The following CNTNAP5 variants were observed in gnomAD, a reference collection of about 807,000 sequenced individuals.
CNTNAP5 encodes contactin-associated protein-like 5.
CNTNAP5 carries 72 observed loss-of-function variants against 150.2 expected under a neutral mutation model. The observed-to-expected ratio is 0.48, with a 90% CI of 0.40 to 0.58. The LOEUF (loss-of-function observed/expected upper bound fraction) is 0.58, where lower values mean the gene tolerates loss of function less well. Ranked by LOEUF, CNTNAP5 falls within the 20% of genes least tolerant of loss-of-function variation. The probability of loss-of-function intolerance (pLI) is 0.00; values close to 1 mark genes in which losing one functional copy is unlikely to be tolerated. For missense variants in CNTNAP5, 1,636 were observed against 1,626.2 expected, an observed-to-expected ratio of 1.01 and a Z score of -0.10; for synonymous variants, 672 against 619.8, an observed-to-expected ratio of 1.08 and a Z score of -1.25.
At chr2:124,188,344 AT>A (rs1685379461) in intron 1 of CNTNAP5, among the ~76,000 whole-genome samples, 1 of 152,204 alleles carries the variant, frequency 6.6e-6, no homozygotes, top group Non-Finnish European at 1.5e-5. Context: ...AAGTTTGGAA[AT>A]CAAGTCCTTT....
intron 11 of CNTNAP5, among the ~76,000 whole-genome samples, chr2:124,609,583 TAAAA>T (rs1456684149): frequency 1.3e-5 from 2 of 150,932 alleles, no homozygotes; most frequent in Admixed American, 6.6e-5. Context: ...CAAATAATAA[TAAAA>T]AGAGAGAGAG....
chr2:124,791,607 A>G lies in CNTNAP5; in HGVS notation c.2992+1466A>G, dbSNP rs1258811060. ...CTAACCAAGTCTTTTGTTTGGAAGAACATGGACAGTAGACCTCTCTGCATT... is the reference window on the plus strand; with the variant it reads ...CTAACCAAGTCTTTTGTTTGGAAGAGCATGGACAGTAGACCTCTCTGCATT... On this transcript the variant is annotated intron_variant, in intron 18 of 23. Transcript: ENST00000682447. Among the ~76,000 whole-genome samples the G allele has an allele frequency of 3.9e-5, 6 of 152,054 alleles. No homozygotes were observed. The East Asian group carries it at 1.2e-3, about 29-fold the overall frequency.
intron 1 of CNTNAP5, among the ~76,000 whole-genome samples, chr2:124,212,011 A>G (rs1686026856): frequency 6.6e-6 from 1 of 152,192 alleles, no homozygotes; most frequent in South Asian, 2.1e-4. Context: ...ATCTAGTGAG[A>G]AAGACAACGT....
At chr2:124,667,032 C>G (rs947998732) in intron 13 of CNTNAP5, among the ~76,000 whole-genome samples, 3 of 151,098 alleles carry the variant, frequency 2.0e-5, no homozygotes, top group Non-Finnish European at 3.0e-5. Flanking sequence ...ATGGGGGAAA[C>G]ATGAGCAATG....
intron 21 of CNTNAP5, among the ~76,000 whole-genome samples, chr2:124,880,439 A>T (rs1677943142): frequency 1.3e-5 from 2 of 152,114 alleles, no homozygotes; most frequent in Non-Finnish European, 2.9e-5. Context: ...TGCCTACTCT[A>T]ATCAACTCTA....
intron 7 of CNTNAP5, among the ~76,000 whole-genome samples, chr2:124,479,476 GTTACT>G (rs1382419894): frequency 8.5e-5 from 13 of 152,242 alleles, no homozygotes; most frequent in African/African-American, 2.9e-4. Context: ...AAATGCATGT[GTTACT>G]TTACTTTGTC....
chr2:124,875,957 T>C (rs926759191), intron 21 of CNTNAP5, among the ~76,000 whole-genome samples: 4 of 152,096 alleles, frequency 2.6e-5, no homozygotes, highest in African/African-American at 7.2e-5. Context: ...AAGATCTGCT[T>C]CAGGTACAGC....
At chr2:124,505,193 A>G (rs1015700181) in intron 8 of CNTNAP5, among the ~76,000 whole-genome samples, 1 of 152,194 alleles carries the variant, frequency 6.6e-6, no homozygotes, top group African/African-American at 2.4e-5. Flanking sequence ...TAGGTTCTCT[A>G]TAAACATGGC....
intron 3 of CNTNAP5, among the ~76,000 whole-genome samples, chr2:124,287,011 A>T (rs964596596): frequency 1.3e-5 from 2 of 152,150 alleles, no homozygotes; most frequent in African/African-American, 4.8e-5. Context: ...GATGTATGGG[A>T]TTGTCCCTGA....
At chr2:124,520,329 A>G (rs1573432484) in intron 8 of CNTNAP5, among the ~76,000 whole-genome samples, 1 of 152,226 alleles carries the variant, frequency 6.6e-6, no homozygotes, top group Non-Finnish European at 1.5e-5. Context: ...TACCTTCACC[A>G]TAAATCTTGG....
intron 12 of CNTNAP5, among the ~76,000 whole-genome samples, chr2:124,633,815 A>G (rs2105012215): frequency 6.6e-6 from 1 of 152,262 alleles, no homozygotes; most frequent in South Asian, 2.1e-4. Context: ...TACTCTGTGA[A>G]CCCTCAGACT....
intron 17 of CNTNAP5, among the ~76,000 whole-genome samples, chr2:124,783,668 G>T (rs557219142): frequency 3.3e-5 from 5 of 152,204 alleles, no homozygotes; most frequent in African/African-American, 1.2e-4. Flanking sequence ...TCCTGAGGGG[G>T]TTTGGCATTT....
At chr2:124,058,773 T>C (rs17010782) in intron 1 of CNTNAP5, among the ~76,000 whole-genome samples, 5,811 of 152,300 alleles carry the variant, frequency 0.038, 378 homozygotes, top group African/African-American at 0.13. Flanking sequence ...ACCACTCTTA[T>C]GAGCCAAATT....
At chr2:124,266,998 G>A (rs888750758) in intron 3 of CNTNAP5, among the ~76,000 whole-genome samples, 2 of 150,560 alleles carry the variant, frequency 1.3e-5, no homozygotes, top group Non-Finnish European at 3.0e-5. Context: ...ATGCTGGGAA[G>A]GCTTTAAAAT....
intron 17 of CNTNAP5, among the ~76,000 whole-genome samples, chr2:124,788,565 CTA>C (rs1039933424): frequency 7.3e-5 from 11 of 150,542 alleles, no homozygotes; most frequent in African/African-American, 2.7e-4. Context: ...GTATTGTATT[CTA>C]TGTTATTTTT....
intron 2 of CNTNAP5, among the ~76,000 whole-genome samples, chr2:124,239,501 T>C (rs1686832987): frequency 6.6e-6 from 1 of 152,162 alleles, no homozygotes; most frequent in African/African-American, 2.4e-5. Context: ...ACATATTCTT[T>C]ACGCAATAAA....
intron 11 of CNTNAP5, among the ~76,000 whole-genome samples, chr2:124,600,755 G>A (rs1030398571): frequency 7.4e-6 from 1 of 135,866 alleles, no homozygotes; most frequent in African/African-American, 2.7e-5. Context: ...GAGAGAGAGA[G>A]AGAGAGAGAG....
intron 13 of CNTNAP5, among the ~76,000 whole-genome samples, chr2:124,679,696 G>A (rs889802489): frequency 2.6e-5 from 4 of 151,586 alleles, no homozygotes; most frequent in African/African-American, 7.3e-5. Flanking sequence ...AGCCTCCTGA[G>A]CAGCTGGGAC....
chr2:124,663,820 A>G (rs888898208), intron 13 of CNTNAP5, among the ~76,000 whole-genome samples: 1 of 152,224 alleles, frequency 6.6e-6, no homozygotes. Flanking sequence ...TATTTAAAAT[A>G]GCAACATTCC....
Sources: allele counts gnomAD v4.1 joint callset (sites outside exome capture counted in the v4.1 genomes callset), GRCh38; gene constraint gnomAD v4.1.1; transcripts MANE v1.5; gene names NCBI Gene and HGNC (gene_info 2026-07-23, HGNC 2026-07-21).